Variants in ZNF841 observed in about 807,000 individuals in gnomAD.
The protein encoded by ZNF841 is zinc finger protein 841.
ZNF841 carries 11 observed loss-of-function variants against 13.0 expected under a neutral mutation model. The ratio of observed to expected loss-of-function variants is 0.85; its 90% CI spans 0.53 to 1.40. The LOEUF is 1.40. Ranked by LOEUF, ZNF841 falls within the 40% of genes most tolerant of loss-of-function variation. The pLI is 0.00. For missense variants in ZNF841, 1,068 were observed against 1,139.5 expected (o/e 0.94, Z 0.90); for synonymous variants, 369 against 381.6 (o/e 0.97, Z 0.38).
intron 4 of ZNF841, among the ~76,000 whole-genome samples, chr19:52,080,448 C>G: frequency 6.6e-6 from 1 of 152,108 alleles, no homozygotes; most frequent in African/African-American, 2.4e-5. Context: ...ACTGGGGTAA[C>G]AGAAAAGAAA....
At chr19:52,091,053 T>G (rs2088481281) in intron 2 of ZNF841, among the ~76,000 whole-genome samples, 1 of 152,192 alleles carries the variant, frequency 6.6e-6, no homozygotes, top group African/African-American at 2.4e-5. Flanking sequence ...CTCAGGACTC[T>G]TGCTCACTAG....
At chr19:52,074,986 C>T in intron 6 of ZNF841, among the ~76,000 whole-genome samples, 1 of 152,184 alleles carries the variant, frequency 6.6e-6, no homozygotes, top group East Asian at 1.9e-4. Flanking sequence ...GATCATTCTA[C>T]TCTGGCTTTA....
rs2087492561 is a variant in ZNF841, at chr19:52,064,970, A to C, written c.*137T>G. 1 of 712,024 alleles carries C rather than the reference A, an allele frequency of 1.4e-6. No homozygotes were observed. The highest frequency in any genetic ancestry group is 2.2e-6 in the Non-Finnish European group (1 of 448,674). The allele number at this position is 712,024 out of a possible 1,614,324, so 44.1% of individuals were successfully genotyped here. A position where few individuals can be genotyped will look rare whatever the true frequency, so the allele number is the denominator to read the frequency against. On this transcript the variant is annotated 3_prime_UTR_variant, in exon 7 of 7. Coordinates refer to ENST00000594440, the MANE Select transcript of ZNF841 (RefSeq NM_001136499.2). ...GACAGCAACAAGGGGATGGTACTAA[A>C]ACTTTCTTGAGAAAGCCACCCCCAT... is the stretch of plus-strand genomic sequence containing the variant.
chr19:52,090,658 A>AAGGAAGGAAGGAAG (rs1568549617), intron 2 of ZNF841, among the ~76,000 whole-genome samples: 6 of 83,130 alleles, frequency 7.2e-5, no homozygotes, highest in East Asian at 3.4e-4. Context: ...AAGGAAGGAA[A>AAGGAAGGAAGGAAG]GAAAGAAAGA....
At chr19:52,082,643 TGTG>T (rs2088137275) in intron 4 of ZNF841, among the ~76,000 whole-genome samples, 1 of 152,144 alleles carries the variant, frequency 6.6e-6, no homozygotes, top group Non-Finnish European at 1.5e-5. Flanking sequence ...CTCAGACACT[TGTG>T]GTGAAGACAG....
At chr19:52,094,054 T>G (rs1356354364) in intron 1 of ZNF841, 83 bp from the exon 2 acceptor site, 1 of 152,126 alleles carries the variant, frequency 6.6e-6, no homozygotes, top group Non-Finnish European at 1.5e-5. Flanking sequence ...TATCTTGTAG[T>G]GACAGTCAGT....
chr19:52,059,388 T>TAC, the ZNF841 span, among the ~76,000 whole-genome samples: 3 of 118,154 alleles, frequency 2.5e-5, no homozygotes, highest in African/African-American at 1.0e-4. Flanking sequence ...TATATATATA[T>TAC]ATACACACAC....
At chr19:52,076,233 AGGTAGAAG>A in intron 5 of ZNF841, 61 bp from the exon 6 acceptor site, 1 of 1,514,722 alleles carries the variant, frequency 6.6e-7, no homozygotes, top group Non-Finnish European at 8.8e-7. Context: ...CCTAATGTCT[AGGTAGAAG>A]AGAAAACACT....
In ZNF841 at chr19:52,064,936, T is replaced by TA. The variant is rs1296942466; in HGVS notation, c.*170dup. On this transcript the variant is annotated 3_prime_UTR_variant, in exon 7 of 7. Coordinates refer to ENST00000594440, the MANE Select transcript of ZNF841 (RefSeq NM_001136499.2). ...GGCATGAGCCAGACCTCATGAGAACTATCACAAGGACAGCAACAAGGGGAT... is the reference window on the plus strand; with the variant it reads ...GGCATGAGCCAGACCTCATGAGAACTAATCACAAGGACAGCAACAAGGGGAT... The TA allele has an allele frequency of 1.9e-6, 1 of 519,696 alleles. No homozygotes were observed. The highest frequency in any genetic ancestry group is 1.9e-5 in the African/African-American group (1 of 51,314). The allele number at this position is 519,696 out of a possible 1,614,324, so 32.2% of individuals were successfully genotyped here.
intron 3 of ZNF841, among the ~76,000 whole-genome samples, chr19:52,085,787 C>G (rs1160293068): frequency 6.6e-6 from 1 of 152,172 alleles, no homozygotes; most frequent in African/African-American, 2.4e-5. Context: ...CAGAGAGGTT[C>G]TGGGGAGCAG....
At chr19:52,063,293 A>G (rs2087435833), downstream of ZNF841, among the ~76,000 whole-genome samples, 1 of 152,138 alleles carries the variant, frequency 6.6e-6, no homozygotes, top group Non-Finnish European at 1.5e-5. Context: ...TGTTAAGCAC[A>G]CTGATATGAC....
intron 4 of ZNF841, among the ~76,000 whole-genome samples, chr19:52,079,526 AGAG>A: frequency 6.6e-6 from 1 of 151,918 alleles, no homozygotes; most frequent in East Asian, 1.9e-4. Context: ...AAATTAAGTA[AGAG>A]AAAAGGGGGT....
chr19:52,073,426 G>A (rs762947932), intron 6 of ZNF841, among the ~76,000 whole-genome samples: 17 of 151,776 alleles, frequency 1.1e-4, no homozygotes, highest in Non-Finnish European at 2.4e-4. Context: ...AGCCTCCCAA[G>A]TAGCTGAGAT....
chr19:52,068,532 C>T (rs939714912), intron 6 of ZNF841, among the ~76,000 whole-genome samples: 2 of 151,736 alleles, frequency 1.3e-5, no homozygotes, highest in Non-Finnish European at 2.9e-5. Context: ...AAAAATCAGC[C>T]GGGTGTGGTG....
chr19:52,087,575 T>C (rs1305279564), intron 3 of ZNF841, among the ~76,000 whole-genome samples: 3 of 152,148 alleles, frequency 2.0e-5, no homozygotes, highest in Non-Finnish European at 4.4e-5. Flanking sequence ...GGCTGTTGTT[T>C]TGGACTAGCC....
At chr19:52,085,332 G>A (rs2088234683) in intron 3 of ZNF841, among the ~76,000 whole-genome samples, 1 of 152,192 alleles carries the variant, frequency 6.6e-6, no homozygotes, top group Non-Finnish European at 1.5e-5. Flanking sequence ...GGAATCTATG[G>A]TAAAAGGGCA....
rs2087611419 is a variant in ZNF841 at position 52,067,358 on chromosome 19, A to G, written c.524T>C (p.Val175Ala). 1 of 1,550,360 alleles carries G rather than the reference A, an allele frequency of 6.5e-7. No individual in the cohort carries two copies. Among genetic ancestry groups the G allele is most frequent in the African/African-American group, 1.4e-5 (1 of 72,974 alleles). The change falls in exon 7 of 7, where the codon GTA (valine) becomes GCA (alanine). Residue 175 changes from valine to alanine, a missense_variant. Physicochemically the swap from Val to Ala is moderately conservative, Grantham distance 64. Transcript: ENST00000594440. ...CTGATTTTCCATATGCTTGTTTTCTACGTCCCCTTGACTATGTCGAACTCT... is the reference window on the plus strand; with the variant it reads ...CTGATTTTCCATATGCTTGTTTTCTGCGTCCCCTTGACTATGTCGAACTCT... ...GQRVRHSQGD[V>A]ENKHMENQLI...
rs2087894672 is a variant in ZNF841 at position 52,076,161 on chromosome 19, G to GTTTAA, written c.153_154insTTAAA (p.Pro52LeufsTer5). ...AACATGGAGATAATATTCAGGTCAGGAAGACAGAGTCCTGCTTATAAAAAA... is the reference window on the plus strand; with the variant it reads ...AACATGGAGATAATATTCAGGTCAGGTTTAAAAGACAGAGTCCTGCTTATAAAAAA... On this transcript the variant is annotated frameshift_variant, in exon 6 of 7. Coordinates refer to ENST00000594440, the MANE Select transcript of ZNF841 (RefSeq NM_001136499.2). LOFTEE classifies it high-confidence loss of function. The GTTTAA allele has an allele frequency of 6.4e-7, 1 of 1,554,218 alleles. No individual in the cohort carries two copies. The highest frequency in any genetic ancestry group is 1.2e-5 in the South Asian group (1 of 84,258).
chr19:52,070,765 C>G (rs923364988), intron 6 of ZNF841, among the ~76,000 whole-genome samples: 6 of 152,208 alleles, frequency 3.9e-5, no homozygotes, highest in Non-Finnish European at 7.3e-5. Flanking sequence ...TCATCCCCTG[C>G]ACATATTGAT....
Sources: allele counts gnomAD v4.1 joint callset (sites outside exome capture counted in the v4.1 genomes callset), GRCh38; gene constraint gnomAD v4.1.1; transcripts MANE v1.5; gene names NCBI Gene and HGNC (gene_info 2026-07-23, HGNC 2026-07-21).